The following ZPLD1 variants were observed in gnomAD, a reference collection of about 807,000 sequenced individuals.
ZPLD1 encodes zona pellucida like domain containing 1, also known as zona pellucida-like domain-containing protein 1.
ZPLD1 carries 34 observed loss-of-function variants against 47.2 expected under a neutral mutation model. The ratio of observed to expected loss-of-function variants is 0.72; its 90% CI spans 0.55 to 0.96. ZPLD1 has a LOEUF of 0.96. ZPLD1 is among the 40% of genes least tolerant of loss of function. ZPLD1 has a pLI of 0.00. For missense variants in ZPLD1, 512 were observed against 505.8 expected (o/e 1.01, Z -0.12); for synonymous variants, 176 against 186.2 (o/e 0.95, Z 0.45).
chr3:102,390,376 A>G (rs1228014930), intron 6 of ZPLD1, among the ~76,000 whole-genome samples: 1 of 152,228 alleles, frequency 6.6e-6, no homozygotes, highest in Admixed American at 6.5e-5. Flanking sequence ...TGAAAACAGC[A>G]TGTAACCACA....
At chr3:102,415,613 A>C (rs1214224333) in intron 7 of ZPLD1, among the ~76,000 whole-genome samples, 1 of 151,856 alleles carries the variant, frequency 6.6e-6, no homozygotes, top group African/African-American at 2.4e-5. Context: ...TTAAAGAAAA[A>C]ATGTAATCTG....
chr3:102,459,621 C>T lies in ZPLD1; in HGVS notation c.582+1768C>T, dbSNP rs1014506062. On this transcript the variant is annotated intron_variant, in intron 6 of 11. Coordinates refer to ENST00000466937, the MANE Select transcript of ZPLD1 (RefSeq NM_001329788.2). ...TGATAACCTTAATATTTTAATTATA[C>T]GATAACCAATTTTTTGATATTAGAC... Among the ~76,000 whole-genome samples, 10 of 151,984 alleles carry T rather than the reference C, an allele frequency of 6.6e-5. No homozygotes were observed. The South Asian group carries it at 8.3e-4, about 13-fold the overall frequency.
At chr3:102,434,051 T>TCAAAAATGTC (rs1240388222), upstream of ZPLD1, among the ~76,000 whole-genome samples, 1 of 152,210 alleles carries the variant, frequency 6.6e-6, no homozygotes, top group Admixed American at 6.5e-5. Context: ...ATTCCAAATG[T>TCAAAAATGTC]CAAGCTCATT....
chr3:102,396,183 C>T (rs532803656), intron 7 of ZPLD1, among the ~76,000 whole-genome samples: 2 of 152,260 alleles, frequency 1.3e-5, no homozygotes, highest in South Asian at 4.1e-4. Flanking sequence ...CATGAATCAG[C>T]CGTGCTGTGC....
Position 102,406,420 on chromosome 3 carries a change from G to A in ZPLD1, c.-156-11640G>A, listed in dbSNP as rs114087054. Among the ~76,000 whole-genome samples, 351 of 151,988 alleles carry A rather than the reference G, an allele frequency of 2.3e-3. 2 individuals are homozygous for A. The highest frequency in any genetic ancestry group is 8.1e-3 in the African/African-American group (337 of 41,522). On this transcript the variant is annotated intron_variant, in intron 7 of 17. Transcript: ENST00000491959. ...AGGATTTCACCCTTCTGAAGACCTT[G>A]GGTATTGCAACTTTAGATATGTAAT...
In ZPLD1 at chr3:102,462,269, T is replaced by C; in HGVS notation, c.583-12T>C. ...GGAGGTAATAATAGATTTTTTATTG[T>C]TTCATCATTAGGATTCAACCTACAA... On this transcript the variant is annotated splice_polypyrimidine_tract_variant and intron_variant, in intron 6 of 11. Transcript: ENST00000466937. The C allele has an allele frequency of 6.4e-7, 1 of 1,563,574 alleles. No individual in the cohort carries two copies. Among genetic ancestry groups the C allele is most frequent in the Non-Finnish European group, 8.8e-7 (1 of 1,142,686 alleles).
At position 102,435,048 on chromosome 3, in the gene ZPLD1, C is replaced by A; in HGVS notation, c.-229C>A. The A allele has an allele frequency of 6.4e-7, 1 of 1,561,164 alleles. No homozygotes were observed. The highest frequency in any genetic ancestry group is 8.8e-7 in the Non-Finnish European group (1 of 1,132,200). On this transcript the variant is annotated 5_prime_UTR_variant, in exon 1 of 12. Coordinates refer to ENST00000466937, the MANE Select transcript of ZPLD1 (RefSeq NM_001329788.2). ...GTTAACATAATCCCCCAATCCCATA[C>A]AATTCAATTTCAGAAAAGTATTTAG...
At chr3:102,397,889 A>G (rs142473228) in intron 7 of ZPLD1, among the ~76,000 whole-genome samples, 116 of 152,286 alleles carry the variant, frequency 7.6e-4, no homozygotes, top group Middle Eastern at 3.4e-3. Flanking sequence ...TTTACTGAGT[A>G]TAATACTTCC....
chr3:102,476,214 C>CTATA (rs572169516), intron 10 of ZPLD1, among the ~76,000 whole-genome samples: 112 of 152,162 alleles, frequency 7.4e-4, no homozygotes, highest in African/African-American at 2.6e-3. Context: ...CAATTGCACG[C>CTATA]ATTATATGGT....
At chr3:102,429,627 T>C (rs1706992236) in intron 8 of ZPLD1, among the ~76,000 whole-genome samples, 1 of 152,198 alleles carries the variant, frequency 6.6e-6, no homozygotes, top group Non-Finnish European at 1.5e-5. Flanking sequence ...GAATTAATTG[T>C]AACTTTCTTG....
At chr3:102,429,003 C>G (rs1706984327) in intron 8 of ZPLD1, among the ~76,000 whole-genome samples, 1 of 152,030 alleles carries the variant, frequency 6.6e-6, no homozygotes, top group Non-Finnish European at 1.5e-5. Flanking sequence ...TGATACTTAT[C>G]CACTTGAAAC....
At chr3:102,462,442 A>G (rs1707523545) in intron 7 of ZPLD1, 64 bp downstream of exon 7, 1 of 1,115,194 alleles carries the variant, frequency 9.0e-7, no homozygotes, top group Non-Finnish European at 1.3e-6. Flanking sequence ...CTCATGAGTC[A>G]TAAAGTTGGG....
At chr3:102,403,944 C>G (rs1350282682) in intron 7 of ZPLD1, among the ~76,000 whole-genome samples, 1 of 151,944 alleles carries the variant, frequency 6.6e-6, no homozygotes. Context: ...CCTCTGTTGG[C>G]ATGGAAAATT....
chr3:102,457,999 C>T (rs1707445536), intron 6 of ZPLD1, 146 bp downstream of exon 6: 1 of 683,900 alleles, frequency 1.5e-6, no homozygotes, highest in African/African-American at 1.8e-5. Context: ...CTACCATTTT[C>T]ATATATCTTA....
chr3:102,445,362 T>C (rs1707241332), intron 3 of ZPLD1, among the ~76,000 whole-genome samples: 1 of 152,230 alleles, frequency 6.6e-6, no homozygotes, highest in Non-Finnish European at 1.5e-5. Flanking sequence ...TCATGATTCT[T>C]GTCTCTCTCC....
At chr3:102,451,376 T>C (rs1707334501) in intron 3 of ZPLD1, among the ~76,000 whole-genome samples, 1 of 152,236 alleles carries the variant, frequency 6.6e-6, no homozygotes, top group South Asian at 2.1e-4. Context: ...TTTCCTCTTT[T>C]GGACAATCAA....
chr3:102,396,792 T>C (rs983121098), intron 7 of ZPLD1, among the ~76,000 whole-genome samples: 3 of 152,102 alleles, frequency 2.0e-5, no homozygotes, highest in Non-Finnish European at 4.4e-5. Flanking sequence ...AGCTCGGTGG[T>C]CTATGAACAT....
At chr3:102,471,699 G>T (rs1310427367) in intron 10 of ZPLD1, among the ~76,000 whole-genome samples, 1 of 152,102 alleles carries the variant, frequency 6.6e-6, no homozygotes, top group Non-Finnish European at 1.5e-5. Context: ...CTGGTTCTAG[G>T]TTTAGCTTTT....
intron 7 of ZPLD1, among the ~76,000 whole-genome samples, chr3:102,406,363 T>C (rs1486758792): frequency 6.6e-6 from 1 of 151,954 alleles, no homozygotes; most frequent in Non-Finnish European, 1.5e-5. Context: ...CAACCTGTAA[T>C]TGCAATATGT....
Sources: allele counts gnomAD v4.1 joint callset (sites outside exome capture counted in the v4.1 genomes callset), GRCh38; gene constraint gnomAD v4.1.1; transcripts MANE v1.5; gene names NCBI Gene and HGNC (gene_info 2026-07-23, HGNC 2026-07-21).